The following ACADM variants were observed in gnomAD, a reference collection of about 807,000 sequenced individuals.
The protein encoded by ACADM is acyl-CoA dehydrogenase medium chain, also known as medium-chain specific acyl-CoA dehydrogenase, mitochondrial.
Under a neutral mutation model 58.9 loss-of-function variants are expected in ACADM, and 49 were observed. The observed-to-expected ratio is 0.83, with a 90% CI of 0.66 to 1.06. The LOEUF (loss-of-function observed/expected upper bound fraction) is 1.06. Among genes scored for constraint, ACADM ranks in the 50% least tolerant of loss-of-function variants. ACADM has a pLI of 0.00. For missense variants in ACADM, 496 were observed against 507.0 expected (o/e 0.98, Z 0.21); for synonymous variants, 160 against 157.7 (o/e 1.01, Z -0.11).
chr1:75,760,996 C>A, intron 10 of ACADM, 126 bp from the exon 11 acceptor site: 1 of 895,370 alleles, frequency 1.1e-6, no homozygotes, highest in Non-Finnish European at 1.7e-6. Flanking sequence ...TGCTTGAGGC[C>A]AGGAGTTGCA....
intron 1 of ACADM, 125 bp downstream of exon 1, chr1:75,724,942 G>C: frequency 9.6e-7 from 1 of 1,037,718 alleles, no homozygotes; most frequent in Non-Finnish European, 1.3e-6. Flanking sequence ...GAAGGAGCCA[G>C]CCTAGGGGCC....
intron 5 of ACADM, among the ~76,000 whole-genome samples, chr1:75,734,295 C>G (rs1006521092): frequency 1.3e-5 from 2 of 150,620 alleles, no homozygotes; most frequent in East Asian, 3.9e-4. Context: ...TCCCAAGTAA[C>G]TGGGACTACA....
intron 10 of ACADM, among the ~76,000 whole-genome samples, chr1:75,756,867 G>A (rs1032541369): frequency 6.6e-5 from 10 of 152,076 alleles, no homozygotes; most frequent in African/African-American, 9.7e-5. Context: ...CAGATATATA[G>A]ACAAATGGAA....
rs1557466532 is a variant in ACADM at position 75,761,059 on chromosome 1, C to T, written c.946-63C>T. On this transcript the variant is annotated intron_variant, in intron 10 of 11. Coordinates refer to ENST00000370841, the MANE Select transcript of ACADM (RefSeq NM_000016.6). Reference sequence around the variant, plus strand: ...CCGTCACTATAAAAATGAAAAAGCCCCAGGAAAAAACTTTTAAGTTTTCTC... The same window carrying T: ...CCGTCACTATAAAAATGAAAAAGCCTCAGGAAAAAACTTTTAAGTTTTCTC... 4.7e-6 allele frequency: 7 copies of T among 1,503,954 alleles called. No homozygotes were observed. In the East Asian group the frequency reaches 7.3e-5, roughly 16 times the overall value. The allele number at this position is 1,503,954 out of a possible 1,614,324, so 93.2% of individuals were successfully genotyped here. A position where few individuals can be genotyped will look rare whatever the true frequency, so the allele number is the denominator to read the frequency against.
At chr1:75,744,654 A>G in intron 7 of ACADM, 1 of 911,986 alleles carries the variant, frequency 1.1e-6, no homozygotes, top group Admixed American at 1.7e-5. Context: ...TGTTAGGGTA[A>G]CCTGGTCCCT....
rs113887538 is a variant in ACADM at position 75,728,489 on chromosome 1, G to T, written c.118+1G>T. 3.1e-6 allele frequency: 5 copies of T among 1,606,508 alleles called. No homozygotes were observed. The South Asian group carries it at 5.5e-5, about 18-fold the overall frequency. On this transcript the variant is annotated splice_donor_variant, in intron 2 of 11. Transcript: ENST00000370841. LOFTEE classifies it high-confidence loss of function. ...GAACCAGGATTAGGATTTAGTTTTGGTATATGTTCGGTTCTATCTTTTGAC... is the reference window on the plus strand; with the variant it reads ...GAACCAGGATTAGGATTTAGTTTTGTTATATGTTCGGTTCTATCTTTTGAC...
At chr1:75,743,767 G>C in intron 7 of ACADM, 1 of 1,551,508 alleles carries the variant, frequency 6.4e-7, no homozygotes, top group Non-Finnish European at 8.9e-7. Context: ...ATAATTCATA[G>C]CTTCCACATT....
At position 75,732,743 on chromosome 1, in the gene ACADM, T is replaced by G. The variant is rs398123073; in HGVS notation, c.216+2T>G. 1 of 1,612,082 alleles carries G rather than the reference T, an allele frequency of 6.2e-7. No individual in the cohort carries two copies. Among genetic ancestry groups the G allele is most frequent in the Non-Finnish European group, 8.5e-7 (1 of 1,178,144 alleles). On this transcript the variant is annotated splice_donor_variant, in intron 3 of 11. Coordinates refer to ENST00000370841, the MANE Select transcript of ACADM (RefSeq NM_000016.6). LOFTEE classifies it high-confidence loss of function. ...GCAGAATATGATAAAACTGGTGAAG[T>G]AGGTATATACATTTTAAAGAGGGAA...
At chr1:75,753,416 C>G (rs1323792841) in intron 10 of ACADM, among the ~76,000 whole-genome samples, 3 of 147,018 alleles carry the variant, frequency 2.0e-5, no homozygotes, top group African/African-American at 7.4e-5. Context: ...TTCCTATGAG[C>G]TTTTTTTTTT....
At chr1:75,754,745 T>C (rs1456804802) in intron 10 of ACADM, among the ~76,000 whole-genome samples, 3 of 152,234 alleles carry the variant, frequency 2.0e-5, no homozygotes, top group Non-Finnish European at 4.4e-5. Flanking sequence ...GGTACCGGGT[T>C]CATCTCACTG....
chr1:75,731,971 G>A (rs148844564), intron 2 of ACADM, among the ~76,000 whole-genome samples: 1 of 152,236 alleles, frequency 6.6e-6, no homozygotes, highest in Non-Finnish European at 1.5e-5. Context: ...GGGCAACATG[G>A]CAAAACCCTG....
At position 75,739,799 on chromosome 1, in the gene ACADM, C is replaced by G. The variant is rs1263583705; in HGVS notation, c.469-181C>G. On this transcript the variant is annotated intron_variant, in intron 6 of 11. Transcript: ENST00000370841. ...CAAGAGAGTGAGACCCTGTCTCTTA[C>G]AAACAAAACAGAAAAGTTTTTACAT... 2.6e-5 allele frequency among the ~76,000 whole-genome samples: 4 copies of G among 152,212 alleles called. No individual in the cohort carries two copies. In the East Asian group the frequency reaches 7.7e-4, roughly 29 times the overall value.
intron 2 of ACADM, among the ~76,000 whole-genome samples, chr1:75,729,986 C>T (rs1274740661): frequency 1.4e-5 from 2 of 148,056 alleles, no homozygotes; most frequent in African/African-American, 5.1e-5. Context: ...CCTCTGCCTC[C>T]TGGGTTCAAG....
chr1:75,733,849 C>G (rs1362833843), intron 5 of ACADM, among the ~76,000 whole-genome samples: 1 of 152,180 alleles, frequency 6.6e-6, no homozygotes, highest in Non-Finnish European at 1.5e-5. Flanking sequence ...GTCTCTAGTA[C>G]TCGGAGTTCT....
At chr1:75,725,977 T>C (rs1398645375) in intron 1 of ACADM, among the ~76,000 whole-genome samples, 1 of 152,230 alleles carries the variant, frequency 6.6e-6, no homozygotes, top group African/African-American at 2.4e-5. Flanking sequence ...ACCACCTCTC[T>C]AATTAACTGG....
intron 7 of ACADM, chr1:75,744,413 T>C (rs3207440): frequency 1.3e-6 from 2 of 1,495,616 alleles, no homozygotes; most frequent in African/African-American, 1.4e-5. Flanking sequence ...GCTTCAATCA[T>C]GCCATTTGCT....
intron 10 of ACADM, among the ~76,000 whole-genome samples, chr1:75,759,431 A>G (rs1165469027): frequency 1.3e-5 from 2 of 152,222 alleles, no homozygotes; most frequent in East Asian, 3.9e-4. Context: ...CAAGGAATTT[A>G]GGAGTTGTAT....
chr1:75,744,204 G>C (rs1647752755), intron 7 of ACADM: 1 of 1,572,316 alleles, frequency 6.4e-7, no homozygotes, highest in Non-Finnish European at 8.8e-7. Flanking sequence ...GAAGGAGGTT[G>C]TGAGGGCGAG....
chr1:75,750,746 T>A, intron 10 of ACADM, 200 bp downstream of exon 10: 1 of 597,680 alleles, frequency 1.7e-6, no homozygotes, highest in Non-Finnish European at 2.9e-6. Context: ...GACACTGTGC[T>A]ATGCATTTTT....
Sources: gnomAD v4.1 joint callset for allele counts (sites outside exome capture counted in the v4.1 genomes callset) on GRCh38, gnomAD v4.1.1 for gene constraint, MANE v1.5 for transcripts, NCBI Gene and HGNC (gene_info 2026-07-23, HGNC 2026-07-21) for gene names.